The following HARS2 variants were observed in gnomAD, a reference collection of about 807,000 sequenced individuals.
The protein encoded by HARS2 is histidyl-tRNA synthetase 2, mitochondrial.
HARS2 carries 40 observed loss-of-function variants against 62.4 expected under a neutral mutation model. The ratio of observed to expected loss-of-function variants is 0.64; its 90% confidence interval spans 0.50 to 0.83. The LOEUF (loss-of-function observed/expected upper bound fraction) is 0.83, where lower values mean the gene tolerates loss of function less well. Ranked by LOEUF, HARS2 falls within the 40% of genes least tolerant of loss-of-function variation. The pLI, the probability that HARS2 is intolerant of heterozygous loss-of-function variation, is 0.00. For missense variants in HARS2, 569 were observed against 626.4 expected, an observed-to-expected ratio of 0.91 and a Z score of 0.98; for synonymous variants, 228 against 227.0, an observed-to-expected ratio of 1.00 and a Z score of -0.04.
rs1759659450 is a variant in HARS2, at chr5:140,694,190, C to A, written c.309C>A (p.Thr103=). The A allele has an allele frequency of 3.1e-6, 5 of 1,612,594 alleles. No homozygotes were observed. The highest frequency in any genetic ancestry group is 1.3e-5 in the African/African-American group (1 of 75,004). Residue 103 remains threonine (T), a synonymous_variant, in exon 4 of 13, where the codon ACC becomes ACA. Transcript: ENST00000230771. ...MDTPAFELKE[T]LTEKYGEDSG... is the part of the protein sequence containing the mutation. ...ATTCTGTTTGACCCCTATAGGAAAC[C>A]CTGACTGAGAAGTATGGAGAGGACT... is the stretch of plus-strand genomic sequence containing the variant.
chr5:140,696,351 G>C lies in HARS2; in HGVS notation c.732+150G>C, dbSNP rs1224552048. ...AGGCATACTCTGAAGGAAGATCTGA[G>C]TCATGCTATACAGTGGGGATTGTGA... On this transcript the variant is annotated intron_variant, in intron 7 of 12. Coordinates refer to ENST00000230771, the MANE Select transcript of HARS2 (RefSeq NM_012208.4). 1.1e-5 allele frequency: 9 copies of C among 800,844 alleles called. No individual in the cohort carries two copies. The African/African-American group carries it at 1.4e-4, about 12-fold the overall frequency. 49.6% of individuals were successfully genotyped at this position (800,844 alleles called of 1,614,324 possible).
intron 1 of HARS2, 43 bp downstream of exon 1, chr5:140,691,799 TC>T: frequency 7.4e-7 from 1 of 1,349,256 alleles, no homozygotes; most frequent in South Asian, 1.2e-5. Context: ...CAGCAGGGTC[TC>T]CAGATCTGAA....
chr5:140,698,131 A>G, intron 12 of HARS2, 53 bp downstream of exon 12: 1 of 1,537,418 alleles, frequency 6.5e-7, no homozygotes, highest in Non-Finnish European at 9.0e-7. Flanking sequence ...CCTTTCCCAG[A>G]TTCTGTAAGA....
chr5:140,695,556 C>A lies in HARS2; in HGVS notation c.448C>A (p.Arg150Ser). The A allele has an allele frequency of 3.7e-6, 6 of 1,614,084 alleles. No homozygotes were observed. The highest frequency in any genetic ancestry group is 5.1e-6 in the Non-Finnish European group (6 of 1,179,990). Residue 150 changes from arginine to serine, a missense_variant, in exon 5 of 13, where the codon CGT becomes AGT. Arg to Ser is a moderately radical substitution (Grantham distance 110). Coordinates refer to ENST00000230771, the MANE Select transcript of HARS2 (RefSeq NM_012208.4). The part of the protein sequence containing the change: ...LAMNKVKKMK[R>S]YHVGKVWRRE... ...CATGAATAAGGTGAAGAAGATGAAA[C>A]GTTATCATGTTGGAAAGGTGTGGCG...
chr5:140,694,265 C>T lies in HARS2; in HGVS notation c.384C>T (p.Leu128=). 6.2e-7 allele frequency: 1 copy of T among 1,608,832 alleles called. No homozygotes were observed. Among genetic ancestry groups the T allele is most frequent in the East Asian group, 2.2e-5 (1 of 44,874 alleles). The stretch of plus-strand genomic sequence containing the variant: ...ATCAAGGTGGAGAGCTGTTGTCCCT[C>T]CGCTATGACCTTACTGTATCCTTTT... ...LKDQGGELLS[L]RYDLTVPFAR... The change falls in exon 4 of 13, where the codon CTC becomes CTT. Residue 128 remains leucine, a synonymous_variant. Coordinates refer to ENST00000230771, the MANE Select transcript of HARS2 (RefSeq NM_012208.4).
intron 1 of HARS2, chr5:140,692,051 T>C: frequency 2.3e-6 from 1 of 426,008 alleles, no homozygotes; most frequent in Non-Finnish European, 4.3e-6. Context: ...TCCACACTTT[T>C]TCCTGAAACT....
intron 2 of HARS2, 127 bp from the exon 3 acceptor site, chr5:140,693,808 G>A: frequency 8.0e-7 from 1 of 1,246,684 alleles, no homozygotes; most frequent in Non-Finnish European, 1.2e-6. Flanking sequence ...GTGCGGCTCA[G>A]AGTCATTTGA....
chr5:140,693,518 C>G, intron 1 of HARS2, 73 bp from the exon 2 acceptor site: 1 of 1,612,560 alleles, frequency 6.2e-7, no homozygotes, highest in East Asian at 2.2e-5. Context: ...GGTTGGTGGT[C>G]AACAGGGTCA....
At chr5:140,696,055 G>A in intron 6 of HARS2, 48 bp from the exon 7 acceptor site, 1 of 1,344,700 alleles carries the variant, frequency 7.4e-7, no homozygotes, top group Non-Finnish European at 1.1e-6. Flanking sequence ...ATTGTTTTGA[G>A]TGGAAGGGCA....
rs1759753273 is a variant in HARS2 at position 140,696,599 on chromosome 5, T to C, written c.811T>C (p.Tyr271His). 1 of 1,608,988 alleles carries C rather than the reference T, an allele frequency of 6.2e-7. No homozygotes were observed. Residue 271 changes from tyrosine (Y) to histidine (H), a missense_variant, in exon 8 of 13, where the codon TAT (tyrosine) becomes CAT (histidine). Tyr to His is a moderately conservative substitution (Grantham distance 83). Transcript: ENST00000230771. The stretch of plus-strand genomic sequence containing the variant: ...TGAGGTGGCTGATCGAATTGGGGAC[T>C]ATGTCCAGTGTCATGGTAAGAACCA... ...APEVADRIGD[Y>H]VQCHGGVSLV...
intron 11 of HARS2, 78 bp from the exon 12 acceptor site, chr5:140,697,854 T>A: frequency 5.3e-6 from 8 of 1,497,932 alleles, no homozygotes; most frequent in Non-Finnish European, 5.6e-6. Flanking sequence ...TATCTCTGGC[T>A]TTCTTGGATA....
Position 140,699,114 on chromosome 5 carries a change from TA to T in HARS2, c.*563del, listed in dbSNP as rs2149858652. ...TCTCTAGCCCATCCATTGCTTACAG[TA>T]GAAGAGTGGGGCTGTATGCTTGATA... On this transcript the variant is annotated 3_prime_UTR_variant, in exon 13 of 13. Transcript: ENST00000230771. 5.5e-6 allele frequency: 1 copy of T among 181,648 alleles called. No homozygotes were observed. The highest frequency in any genetic ancestry group is 1.3e-4 in the East Asian group (1 of 7,480). The allele number at this position is 181,648 out of a possible 1,614,324, so 11.3% of individuals were successfully genotyped here. A position where few individuals can be genotyped will look rare whatever the true frequency, so the allele number is the denominator to read the frequency against.
rs1759854264 is a variant in HARS2, at chr5:140,698,554, C to G, written c.*2C>G. 4 of 1,610,150 alleles carry G rather than the reference C, an allele frequency of 2.5e-6. No homozygotes were observed. Among genetic ancestry groups the G allele is most frequent in the Non-Finnish European group, 3.4e-6 (4 of 1,176,340 alleles). On this transcript the variant is annotated 3_prime_UTR_variant, in exon 13 of 13. Transcript: ENST00000230771. ...CAGAAGCGACTGTCTGAGTCTTGAT[C>G]CTTGCCTGATTCCCATCTGCTGCTC... is the stretch of plus-strand genomic sequence containing the variant.
chr5:140,692,275 G>C (rs1759528213), intron 1 of HARS2: 1 of 170,112 alleles, frequency 5.9e-6, no homozygotes. Context: ...GCAGATAATC[G>C]CCATAGTATG....
At chr5:140,692,457 G>C (rs1759542051) in intron 1 of HARS2, 1 of 152,498 alleles carries the variant, frequency 6.6e-6, no homozygotes, top group Non-Finnish European at 1.5e-5. Flanking sequence ...CATCTTATCA[G>C]TCTGAGTTTT....
Position 140,693,652 on chromosome 5 carries a change from T to G in HARS2, c.170T>G (p.Ile57Ser). Residue 57 changes from isoleucine to serine, a missense_variant, in exon 2 of 13, where the codon ATC becomes AGC. Ile to Ser is a moderately radical substitution (Grantham distance 142, BLOSUM62 -2). Coordinates refer to ENST00000230771, the MANE Select transcript of HARS2 (RefSeq NM_012208.4). Reference sequence around the variant, plus strand: ...CATCAAGAGAAACCAAATTTTATTATCAAGACCCCAAAGGTAATACTTTTT... The same window carrying G: ...CATCAAGAGAAACCAAATTTTATTAGCAAGACCCCAAAGGTAATACTTTTT... ...KAHQEKPNFI[I>S]KTPKGTRDLS... The G allele has an allele frequency of 1.2e-6, 2 of 1,613,672 alleles. No individual in the cohort carries two copies. The highest frequency in any genetic ancestry group is 1.7e-6 in the Non-Finnish European group (2 of 1,179,552).
intron 11 of HARS2, 58 bp from the exon 12 acceptor site, chr5:140,697,874 C>G: frequency 6.4e-7 from 1 of 1,570,016 alleles, no homozygotes; most frequent in South Asian, 1.1e-5. Flanking sequence ...ATCCATGTTC[C>G]TGAGGTTTGT....
At position 140,692,009 on chromosome 5, in the gene HARS2, G is replaced by A. The variant is rs189268935; in HGVS notation, c.108+253G>A. 25 of 564,192 alleles carry A rather than the reference G, an allele frequency of 4.4e-5. No homozygotes were observed. In the East Asian group the frequency reaches 6.9e-4, roughly 15 times the overall value. The allele number at this position is 564,192 out of a possible 1,614,324, so 34.9% of individuals were successfully genotyped here. On this transcript the variant is annotated intron_variant, in intron 1 of 12. Transcript: ENST00000230771. ...AAGATTAAATGAATGACTTATACAC[G>A]GATATGTAGTAAGGGAGTATTTTAA...
In HARS2 at chr5:140,697,375, G is replaced by T. The variant is rs1333442194; in HGVS notation, c.1166G>T (p.Arg389Leu). The T allele has an allele frequency of 1.9e-6, 3 of 1,613,892 alleles. No homozygotes were observed. The highest frequency in any genetic ancestry group is 2.5e-6 in the Non-Finnish European group (3 of 1,180,044). Residue 389 changes from arginine (R) to leucine (L), a missense_variant, in exon 10 of 13, where the codon CGA (arginine) becomes CTA (leucine). Coordinates refer to ENST00000230771, the MANE Select transcript of HARS2 (RefSeq NM_012208.4). ...PCVGLSIGVE[R>L]IFYIVEQRMK... ...GTGGGACTCAGCATTGGGGTTGAGC[G>T]AATCTTCTACATTGTGGAGCAGAGG...
Sources: gnomAD v4.1 joint callset for allele counts on GRCh38, gnomAD v4.1.1 for gene constraint, MANE v1.5 for transcripts, NCBI Gene and HGNC (gene_info 2026-07-23, HGNC 2026-07-21) for gene names.